Variants in VKORC1L1 observed in about 807,000 individuals in gnomAD.
The protein encoded by VKORC1L1 is vitamin K epoxide reductase complex subunit 1-like protein 1.
Under a neutral mutation model 18.9 loss-of-function variants are expected in VKORC1L1, and 2 were observed. The ratio of observed to expected loss-of-function variants is 0.11; its 90% CI spans 0.04 to 0.33. The LOEUF is 0.33. Ranked by LOEUF, VKORC1L1 falls within the 10% of genes least tolerant of loss-of-function variation. The pLI, the probability that VKORC1L1 is intolerant of heterozygous loss-of-function variation, is 1.00. For synonymous variants in VKORC1L1, 96 were observed against 100.0 expected (o/e 0.96, Z 0.24); for missense variants, 123 against 224.1 (o/e 0.55, Z 2.88).
At chr7:65,944,871 T>C (rs1440838300) in intron 1 of VKORC1L1, among the ~76,000 whole-genome samples, 1 of 150,322 alleles carries the variant, frequency 6.7e-6, no homozygotes, top group Non-Finnish European at 1.5e-5. Context: ...GAGTGCAGAT[T>C]GCACCACTGC....
Position 65,873,130 on chromosome 7 carries a change from C to T in VKORC1L1, c.-242C>T, listed in dbSNP as rs1788752048. ...CGTTGCGCACTCCACCCCCTCCCTC[C>T]GCGCCCGCGCGCGCCTTCCCCGCCC... On this transcript the variant is annotated 5_prime_UTR_variant, in exon 1 of 3. Coordinates refer to ENST00000360768, the MANE Select transcript of VKORC1L1 (RefSeq NM_173517.6). 2 of 286,030 alleles carry T rather than the reference C, an allele frequency of 7.0e-6. No homozygotes were observed. The highest frequency in any genetic ancestry group is 1.0e-5 in the Non-Finnish European group (2 of 191,234). The allele number at this position is 286,030 out of a possible 1,614,324, so 17.7% of individuals were successfully genotyped here.
chr7:65,937,977 G>A (rs1219302538), intron 1 of VKORC1L1, among the ~76,000 whole-genome samples: 1 of 152,148 alleles, frequency 6.6e-6, no homozygotes, highest in East Asian at 1.9e-4. Context: ...GGAGGCTGAG[G>A]TGAGTGGACC....
At chr7:65,898,547 A>T (rs1333596379) in intron 1 of VKORC1L1, among the ~76,000 whole-genome samples, 1 of 152,234 alleles carries the variant, frequency 6.6e-6, no homozygotes, top group Admixed American at 6.5e-5. Context: ...ATTTGCAAGC[A>T]TATATAATTG....
chr7:65,898,754 G>C (rs1194706415), intron 1 of VKORC1L1, among the ~76,000 whole-genome samples: 1 of 152,146 alleles, frequency 6.6e-6, no homozygotes, highest in Non-Finnish European at 1.5e-5. Flanking sequence ...CTGCTCAGTA[G>C]TGTAAAGTAT....
At chr7:65,941,960 C>T (rs955460233) in intron 1 of VKORC1L1, among the ~76,000 whole-genome samples, 2 of 152,074 alleles carry the variant, frequency 1.3e-5, no homozygotes, top group Admixed American at 6.6e-5. Context: ...TGCGCCTAGC[C>T]GTATTGCTGT....
At position 65,909,737 on chromosome 7, in the gene VKORC1L1, T is replaced by TGTGTGTGTGTGTGTGTGA. The variant is rs1491345250; in HGVS notation, c.194+36173_194+36174insTGTGTGTGTGTGTGTGAG. Among the ~76,000 whole-genome samples the TGTGTGTGTGTGTGTGTGA allele has an allele frequency of 1.5e-4, 22 of 145,266 alleles. No homozygotes were observed. The East Asian group carries it at 1.6e-3, about 11-fold the overall frequency. The stretch of plus-strand genomic sequence containing the variant: ...GTGTGTGTGTGTGTGTGTGTGTGTG[T>TGTGTGTGTGTGTGTGTGA]GACGGAGGCTTGCTCTGTCGCCCAG... On this transcript the variant is annotated intron_variant, in intron 1 of 2. Coordinates refer to ENST00000360768, the MANE Select transcript of VKORC1L1 (RefSeq NM_173517.6).
chr7:65,882,218 A>G (rs1788940217), intron 1 of VKORC1L1, among the ~76,000 whole-genome samples: 1 of 151,986 alleles, frequency 6.6e-6, no homozygotes, highest in African/African-American at 2.4e-5. Context: ...CATCTCTACT[A>G]AAAATACAAA....
intron 1 of VKORC1L1, among the ~76,000 whole-genome samples, chr7:65,915,342 C>T (rs1003343943): frequency 3.9e-5 from 6 of 151,954 alleles, no homozygotes; most frequent in Admixed American, 6.6e-5. Flanking sequence ...CCACCCACCT[C>T]AGCCTCCCAA....
intron 1 of VKORC1L1, among the ~76,000 whole-genome samples, chr7:65,937,903 A>G (rs1198435072): frequency 1.3e-5 from 2 of 152,144 alleles, no homozygotes; most frequent in African/African-American, 4.8e-5. Flanking sequence ...ATCTCCTTAG[A>G]TCTAAGAAAA....
chr7:65,913,292 G>C (rs553147534), intron 1 of VKORC1L1, among the ~76,000 whole-genome samples: 2 of 152,222 alleles, frequency 1.3e-5, no homozygotes, highest in East Asian at 3.9e-4. Context: ...TAGCACTGTT[G>C]CATAGACCCT....
intron 1 of VKORC1L1, among the ~76,000 whole-genome samples, chr7:65,894,191 G>C (rs949023356): frequency 1.3e-5 from 2 of 151,884 alleles, no homozygotes; most frequent in African/African-American, 4.8e-5. Context: ...CTGACCTCAG[G>C]CGATCCACCT....
intron 1 of VKORC1L1, among the ~76,000 whole-genome samples, chr7:65,910,553 T>C (rs1789486074): frequency 6.6e-6 from 1 of 152,222 alleles, no homozygotes; most frequent in Admixed American, 6.5e-5. Context: ...GAACTAGTTG[T>C]GTTTGTTGGA....
chr7:65,959,455 G>A lies in VKORC1L1; in HGVS notation c.*5155G>A, dbSNP rs1042447653. On this transcript the variant is annotated 3_prime_UTR_variant, in exon 3 of 3. Transcript: ENST00000360768. The stretch of plus-strand genomic sequence containing the variant: ...AACTTGATTCCTTTGAAAAACTAAA[G>A]AGAAGTTGATAAAAAAAATACAGAA... The A allele has an allele frequency of 2.6e-5, 4 of 152,168 alleles. No individual in the cohort carries two copies. Among genetic ancestry groups the A allele is most frequent in the Non-Finnish European group, 5.9e-5 (4 of 68,018 alleles). 9.4% of individuals were successfully genotyped at this position (152,168 alleles called of 1,614,324 possible).
intron 1 of VKORC1L1, among the ~76,000 whole-genome samples, chr7:65,929,666 G>GTATATATATATATA (rs1673650322): frequency 1.2e-5 from 1 of 81,418 alleles, no homozygotes; most frequent in Non-Finnish European, 2.4e-5. Flanking sequence ...ATGTGTGTGT[G>GTATATATATATATA]TGTATGTGTG....
intron 1 of VKORC1L1, among the ~76,000 whole-genome samples, chr7:65,936,161 TC>T (rs1789939681): frequency 6.6e-6 from 1 of 152,082 alleles, no homozygotes; most frequent in South Asian, 2.1e-4. Flanking sequence ...GGTTACTTTT[TC>T]TCTGCTGAGA....
chr7:65,873,668 G>T (rs1047027687), intron 1 of VKORC1L1, 103 bp downstream of exon 1: 48 of 968,326 alleles, frequency 5.0e-5, no homozygotes, highest in Non-Finnish European at 5.8e-5. Flanking sequence ...GGGCGGCGGG[G>T]ACCGGGCCGC....
At position 65,930,613 on chromosome 7, in the gene VKORC1L1, C is replaced by T. The variant is rs148318266; in HGVS notation, c.195-18058C>T. 3.0e-3 allele frequency among the ~76,000 whole-genome samples: 456 copies of T among 152,212 alleles called. 5 individuals carry two copies. The highest frequency in any genetic ancestry group is 0.01 in the African/African-American group (436 of 41,552). On this transcript the variant is annotated intron_variant, in intron 1 of 2. Transcript: ENST00000360768. ...CTGTATGTATATATGGTTTAGGCAT[C>T]GTCCATTTTTGTATTCAGTCTCACT...
At chr7:65,868,846 T>C (rs557126770), upstream of VKORC1L1, among the ~76,000 whole-genome samples, 221 of 152,238 alleles carry the variant, frequency 1.5e-3, no homozygotes, top group Non-Finnish European at 2.5e-3. Context: ...AAATTTCCTA[T>C]TGAGTACAAT....
At chr7:65,901,557 A>G (rs1205514577) in intron 1 of VKORC1L1, among the ~76,000 whole-genome samples, 1 of 152,190 alleles carries the variant, frequency 6.6e-6, no homozygotes, top group African/African-American at 2.4e-5. Context: ...AAACCTACTG[A>G]GCTCTATGGT....
Sources: allele counts gnomAD v4.1 joint callset (sites outside exome capture counted in the v4.1 genomes callset), GRCh38; gene constraint gnomAD v4.1.1; transcripts MANE v1.5; gene names NCBI Gene and HGNC (gene_info 2026-07-23, HGNC 2026-07-21).